RBL1: variants seen among roughly 807,000 people sequenced by gnomAD.
RBL1 encodes the protein RB transcriptional corepressor like 1.
Under a neutral mutation model 123.0 loss-of-function variants are expected in RBL1, and 82 were observed. The observed-to-expected ratio is 0.67, with a 90% CI of 0.56 to 0.80. The LOEUF is 0.80. Ranked by LOEUF, RBL1 falls within the 30% of genes least tolerant of loss-of-function variation. The pLI, the probability that RBL1 is intolerant of heterozygous loss-of-function variation, is 0.00. For synonymous variants in RBL1, 405 were observed against 441.3 expected (o/e 0.92, Z 1.03); for missense variants, 1,171 against 1,299.6 (o/e 0.90, Z 1.52).
chr20:37,020,970 G>A lies in RBL1; in HGVS notation c.2560-240C>T, dbSNP rs549761583. ...ATCAAAAAGCAGTGAAACTGCTATGGTGTGACTCTACTGAAAATCCATTTC... is the reference window on the plus strand; with the variant it reads ...ATCAAAAAGCAGTGAAACTGCTATGATGTGACTCTACTGAAAATCCATTTC... On this transcript the variant is annotated intron_variant, in intron 17 of 21. Transcript: ENST00000373664. Among the ~76,000 whole-genome samples the A allele has an allele frequency of 2.0e-5, 3 of 152,172 alleles. No homozygotes were observed. The East Asian group carries it at 5.8e-4, about 29-fold the overall frequency.
At chr20:37,027,037 CAAAAA>C (rs35046426) in intron 16 of RBL1, among the ~76,000 whole-genome samples, 2 of 150,476 alleles carry the variant, frequency 1.3e-5, no homozygotes, top group Non-Finnish European at 3.0e-5. Flanking sequence ...AAAAAAAAAC[CAAAAA>C]ATTATTACAA....
At chr20:37,056,351 C>CTTTT (rs199931898) in intron 9 of RBL1, 93 bp from the exon 10 acceptor site, 523 of 971,272 alleles carry the variant, frequency 5.4e-4, no homozygotes, top group African/African-American at 1.7e-3. Flanking sequence ...CCTTCTTCTT[C>CTTTT]TTTTTTTTTT....
chr20:37,013,626 AG>A (rs1161389059), intron 19 of RBL1, among the ~76,000 whole-genome samples: 12 of 151,978 alleles, frequency 7.9e-5, no homozygotes, highest in Non-Finnish European at 1.5e-4. Context: ...TACCCTCAAT[AG>A]CCATGAAAGG....
Position 36,997,172 on chromosome 20 carries a change from C to T in RBL1, c.*1587G>A, listed in dbSNP as rs942653069. On this transcript the variant is annotated 3_prime_UTR_variant, in exon 22 of 22. Transcript: ENST00000373664. ...CCAGACACACACTAGAAAAAGTAAA[C>T]GTTAAAGAGGTGATATTTTGGAAAG... 6.6e-6 allele frequency: 1 copy of T among 151,982 alleles called. No homozygotes were observed. 9.4% of individuals were successfully genotyped at this position (151,982 alleles called of 1,614,324 possible). A position where few individuals can be genotyped will look rare whatever the true frequency, so the allele number is the denominator to read the frequency against.
intron 9 of RBL1, among the ~76,000 whole-genome samples, 200 bp from the exon 10 acceptor site, chr20:37,056,458 G>T (rs986614933): frequency 6.7e-6 from 1 of 149,740 alleles, no homozygotes; most frequent in Non-Finnish European, 1.5e-5. Context: ...GGGTTCAAGC[G>T]ATTCTCCTGT....
chr20:37,069,402 T>C (rs1204787771), intron 2 of RBL1, among the ~76,000 whole-genome samples: 3 of 149,190 alleles, frequency 2.0e-5, no homozygotes, highest in Non-Finnish European at 4.4e-5. Flanking sequence ...GGAGCACCTC[T>C]TCCTCGCCGC....
At chr20:37,054,812 A>C (rs1255764366) in intron 11 of RBL1, among the ~76,000 whole-genome samples, 2 of 152,176 alleles carry the variant, frequency 1.3e-5, no homozygotes, top group Non-Finnish European at 2.9e-5. Context: ...CCTGGGCAAC[A>C]GAGCAAGACT....
intron 19 of RBL1, among the ~76,000 whole-genome samples, chr20:37,016,352 C>T (rs1453383440): frequency 6.6e-6 from 1 of 151,858 alleles, no homozygotes; most frequent in Non-Finnish European, 1.5e-5. Context: ...ATATACTCCT[C>T]GTTGCCTTGA....
Position 36,998,241 on chromosome 20 carries a change from T to C in RBL1, c.*518A>G, listed in dbSNP as rs1169440186. The C allele has an allele frequency of 1.3e-5, 2 of 151,958 alleles. No individual in the cohort carries two copies. The highest frequency in any genetic ancestry group is 2.9e-5 in the Non-Finnish European group (2 of 68,018). The allele number at this position is 151,958 out of a possible 1,614,324, so 9.4% of individuals were successfully genotyped here. A position where few individuals can be genotyped will look rare whatever the true frequency, so the allele number is the denominator to read the frequency against. On this transcript the variant is annotated 3_prime_UTR_variant, in exon 22 of 22. Coordinates refer to ENST00000373664, the MANE Select transcript of RBL1 (RefSeq NM_002895.5). ...CCCTATTTATATATATATATATATT[T>C]TTTGAGATGGAGTTTTACTCTTGTT...
intron 16 of RBL1, 22 bp downstream of exon 16, chr20:37,032,643 A>T (rs6017076): frequency 0.16 from 263,646 of 1,611,700 alleles, 24,509 homozygotes; most frequent in East Asian, 0.43. Context: ...AAATTCTTCT[A>T]AAGTGCTATA....
chr20:37,026,561 G>A (rs539930469), intron 16 of RBL1, among the ~76,000 whole-genome samples: 7 of 152,020 alleles, frequency 4.6e-5, no homozygotes, highest in South Asian at 2.1e-4. Context: ...AAAATTAGCC[G>A]GGTGTGGTGG....
chr20:37,004,915 C>T (rs894565190), intron 20 of RBL1, among the ~76,000 whole-genome samples: 34 of 151,510 alleles, frequency 2.2e-4, no homozygotes, highest in African/African-American at 8.0e-4. Flanking sequence ...TGGTGGCGTG[C>T]GCCTATAGTC....
At chr20:37,059,018 G>T (rs753906863) in intron 9 of RBL1, among the ~76,000 whole-genome samples, 4 of 152,114 alleles carry the variant, frequency 2.6e-5, no homozygotes, top group African/African-American at 4.8e-5. Flanking sequence ...ACAGGCATGG[G>T]CCACAACACC....
intron 12 of RBL1, among the ~76,000 whole-genome samples, chr20:37,046,474 C>T (rs2064820379): frequency 6.6e-6 from 1 of 151,950 alleles, no homozygotes; most frequent in Non-Finnish European, 1.5e-5. Context: ...TCATACCTCA[C>T]TGTAACCTCA....
intron 7 of RBL1, among the ~76,000 whole-genome samples, chr20:37,065,056 C>T (rs952480033): frequency 1.3e-5 from 2 of 151,988 alleles, no homozygotes; most frequent in Non-Finnish European, 2.9e-5. Flanking sequence ...CTCAACCTCC[C>T]AAGTAGCTGG....
At chr20:37,033,013 G>A in intron 15 of RBL1, 137 bp from the exon 16 acceptor site, 1 of 1,085,228 alleles carries the variant, frequency 9.2e-7, no homozygotes, top group Non-Finnish European at 1.2e-6. Flanking sequence ...GGTTATGACT[G>A]AATTCTTTTT....
intron 1 of RBL1, among the ~76,000 whole-genome samples, chr20:37,092,474 TC>T (rs2065665203): frequency 6.6e-6 from 1 of 151,742 alleles, no homozygotes; most frequent in South Asian, 2.1e-4. Flanking sequence ...GCTCAAGCAA[TC>T]CCCCCACCTT....
intron 9 of RBL1, among the ~76,000 whole-genome samples, chr20:37,060,715 G>A (rs941858491): frequency 3.9e-5 from 6 of 151,966 alleles, no homozygotes; most frequent in Non-Finnish European, 8.8e-5. Flanking sequence ...CCCAGGAGGT[G>A]GAGGCTGCAG....
chr20:37,043,329 A>G (rs996924524), intron 13 of RBL1, among the ~76,000 whole-genome samples: 2 of 151,834 alleles, frequency 1.3e-5, no homozygotes, highest in African/African-American at 2.4e-5. Flanking sequence ...TCTACTAAAA[A>G]AAGTACAAAA....
Sources: allele counts gnomAD v4.1 joint callset (sites outside exome capture counted in the v4.1 genomes callset), GRCh38; gene constraint gnomAD v4.1.1; transcripts MANE v1.5; gene names NCBI Gene and HGNC (gene_info 2026-07-23, HGNC 2026-07-21).